CCSER2: variants seen among roughly 807,000 people sequenced by gnomAD.
The protein encoded by CCSER2 is coiled-coil serine rich protein 2, also known as serine-rich coiled-coil domain-containing protein 2.
Under a neutral mutation model 92.3 loss-of-function variants are expected in CCSER2, and 46 were observed. The ratio of observed to expected loss-of-function variants is 0.50; its 90% confidence interval spans 0.39 to 0.64. The LOEUF (loss-of-function observed/expected upper bound fraction) is 0.64. CCSER2 is among the 30% of genes least tolerant of loss of function. The pLI, the probability that CCSER2 is intolerant of heterozygous loss-of-function variation, is 0.00. For missense variants in CCSER2, 1,244 were observed against 1,238.9 expected (o/e 1.00, Z -0.06); for synonymous variants, 433 against 431.4 (o/e 1.00, Z -0.04).
At chr10:84,373,414 C>A (rs1385289259) in intron 2 of CCSER2, among the ~76,000 whole-genome samples, 1 of 151,906 alleles carries the variant, frequency 6.6e-6, no homozygotes, top group East Asian at 1.9e-4. Context: ...TTCTTTTCCT[C>A]TATTAGAAAA....
At chr10:84,452,871 G>A (rs1004296615) in intron 6 of CCSER2, among the ~76,000 whole-genome samples, 1 of 152,030 alleles carries the variant, frequency 6.6e-6, no homozygotes, top group South Asian at 2.1e-4. Flanking sequence ...TTTGGCCTGG[G>A]CACTTTCCTT....
intron 4 of CCSER2, among the ~76,000 whole-genome samples, chr10:84,420,922 G>C (rs1365997058): frequency 8.1e-6 from 1 of 123,314 alleles, no homozygotes; most frequent in East Asian, 2.5e-4. Flanking sequence ...GACAGAGCGA[G>C]ACTCCATCTC....
chr10:84,480,428 A>C (rs1333866063), intron 9 of CCSER2, among the ~76,000 whole-genome samples: 1 of 152,218 alleles, frequency 6.6e-6, no homozygotes, highest in Non-Finnish European at 1.5e-5. Context: ...AGTTAGTTTC[A>C]ATCTAATGTG....
chr10:84,341,557 C>T (rs1210496249), intron 1 of CCSER2, among the ~76,000 whole-genome samples: 1 of 152,020 alleles, frequency 6.6e-6, no homozygotes, highest in Non-Finnish European at 1.5e-5. Context: ...ACACCATAGA[C>T]TCCAGTGAAG....
rs1843938335 is a variant in CCSER2, at chr10:84,433,851, T to C, written c.1869-4661T>C. ...AATATTGGAGACAGTGGGCTTTCATTCTCATGCCTTTGAAACCACTGAACT... is the reference window on the plus strand; with the variant it reads ...AATATTGGAGACAGTGGGCTTTCATCCTCATGCCTTTGAAACCACTGAACT... On this transcript the variant is annotated intron_variant, in intron 5 of 9. Transcript: ENST00000372088. Among the ~76,000 whole-genome samples, 3 of 152,292 alleles carry C rather than the reference T, an allele frequency of 2.0e-5. No individual in the cohort carries two copies. The South Asian group carries it at 6.2e-4, about 32-fold the overall frequency.
At chr10:84,447,792 T>A (rs1190920056) in intron 6 of CCSER2, among the ~76,000 whole-genome samples, 1 of 152,142 alleles carries the variant, frequency 6.6e-6, no homozygotes, top group Admixed American at 6.5e-5. Flanking sequence ...GCTTAAAGTG[T>A]GAAGAGTTCG....
At chr10:84,384,594 G>A (rs1841087514) in intron 3 of CCSER2, among the ~76,000 whole-genome samples, 2 of 152,040 alleles carry the variant, frequency 1.3e-5, no homozygotes, top group Admixed American at 6.5e-5. Context: ...AAAACCCTCA[G>A]CAAACTAGGC....
intron 3 of CCSER2, among the ~76,000 whole-genome samples, chr10:84,399,776 C>A (rs1236301437): frequency 6.7e-6 from 1 of 148,554 alleles, no homozygotes; most frequent in African/African-American, 2.5e-5. Context: ...ATTTTTTAAA[C>A]CTTTGTTCTT....
At chr10:84,499,859 A>C (rs375069579) in intron 9 of CCSER2, 1 of 1,612,936 alleles carries the variant, frequency 6.2e-7, no homozygotes, top group Non-Finnish European at 8.5e-7. Flanking sequence ...TCCCTACCCC[A>C]TCTCTCTCTG....
rs1468984390 is a variant in CCSER2, at chr10:84,515,876, C to T, written c.*1609C>T. On this transcript the variant is annotated 3_prime_UTR_variant, in exon 10 of 10. Coordinates refer to ENST00000372088, the MANE Select transcript of CCSER2 (RefSeq NM_001284240.2). The stretch of plus-strand genomic sequence containing the variant: ...CCTCCATGCTACCATGTGCACAAAC[C>T]TAATTATGCTTTGGGTCACTTGTCA... 1 of 152,140 alleles carries T rather than the reference C, an allele frequency of 6.6e-6. No individual in the cohort carries two copies. The highest frequency in any genetic ancestry group is 1.5e-5 in the Non-Finnish European group (1 of 68,024). 9.4% of individuals were successfully genotyped at this position (152,140 alleles called of 1,614,324 possible).
intron 9 of CCSER2, among the ~76,000 whole-genome samples, chr10:84,478,112 A>G (rs759024313): frequency 6.6e-6 from 1 of 152,222 alleles, no homozygotes; most frequent in Non-Finnish European, 1.5e-5. Context: ...GTTAGGAAAT[A>G]TAAATGCACG....
intron 1 of CCSER2, among the ~76,000 whole-genome samples, chr10:84,339,661 G>C (rs950744387): frequency 2.6e-5 from 4 of 151,058 alleles, no homozygotes; most frequent in African/African-American, 9.7e-5. Context: ...TTTTAGTAGA[G>C]ACGAGGTTTC....
intron 7 of CCSER2, among the ~76,000 whole-genome samples, chr10:84,466,043 A>G (rs17719157): frequency 0.11 from 16,011 of 152,188 alleles, 999 homozygotes; most frequent in Admixed American, 0.15. Context: ...CGGCCATATG[A>G]TAGACATTTT....
At position 84,347,396 on chromosome 10, in the gene CCSER2, C is replaced by G. The variant is rs559361799; in HGVS notation, c.-40+18588C>G. ...CCACCTCCCGGACGGGGCGGCTGGC[C>G]GGGGAGGGGGGGTGCTGACCCCCCA... is the stretch of plus-strand genomic sequence containing the variant. On this transcript the variant is annotated intron_variant, in intron 1 of 9. Coordinates refer to ENST00000372088, the MANE Select transcript of CCSER2 (RefSeq NM_001284240.2). 5.6e-3 allele frequency among the ~76,000 whole-genome samples: 834 copies of G among 148,796 alleles called. 3 individuals are homozygous for G. The highest frequency in any genetic ancestry group is 0.012 in the Middle Eastern group (3 of 260).
chr10:84,381,773 C>A (rs1316010481), intron 3 of CCSER2, among the ~76,000 whole-genome samples: 1 of 151,880 alleles, frequency 6.6e-6, no homozygotes, highest in Non-Finnish European at 1.5e-5. Flanking sequence ...ACTAAAAATA[C>A]AAAAATAAGC....
intron 1 of CCSER2, among the ~76,000 whole-genome samples, chr10:84,358,023 A>G (rs1489497114): frequency 2.0e-5 from 3 of 152,226 alleles, no homozygotes; most frequent in African/African-American, 7.2e-5. Context: ...GAATTTAGCC[A>G]TCTAGACAGT....
At chr10:84,422,385 G>T (rs1843193360) in intron 4 of CCSER2, among the ~76,000 whole-genome samples, 1 of 152,206 alleles carries the variant, frequency 6.6e-6, no homozygotes, top group African/African-American at 2.4e-5. Context: ...CATTTGTAAG[G>T]TTGTCCTTTA....
chr10:84,483,841 A>G (rs1405881806), intron 9 of CCSER2, among the ~76,000 whole-genome samples: 2 of 141,040 alleles, frequency 1.4e-5, no homozygotes, highest in East Asian at 4.1e-4. Flanking sequence ...GGCTCAAGTC[A>G]GTGGCATGAT....
intron 8 of CCSER2, among the ~76,000 whole-genome samples, chr10:84,470,874 C>T (rs1846749724): frequency 2.6e-5 from 4 of 151,946 alleles, no homozygotes; most frequent in Admixed American, 1.3e-4. Context: ...GAAGGGTACT[C>T]CAAGAAAATG....
Sources: gnomAD v4.1 joint callset for allele counts (sites outside exome capture counted in the v4.1 genomes callset) on GRCh38, gnomAD v4.1.1 for gene constraint, MANE v1.5 for transcripts, NCBI Gene and HGNC (gene_info 2026-07-23, HGNC 2026-07-21) for gene names.